Variants in EFNA5 observed in about 807,000 individuals in gnomAD.
The protein encoded by EFNA5 is ephrin A5.
Under a neutral mutation model 22.9 loss-of-function variants are expected in EFNA5, and 5 were observed. That is an observed-to-expected ratio of 0.22 (90% CI 0.11 to 0.46). The LOEUF is 0.46. EFNA5 is among the 20% of genes least tolerant of loss of function. EFNA5 has a pLI of 0.99. For synonymous variants in EFNA5, 113 were observed against 112.2 expected, an observed-to-expected ratio of 1.01 and a Z score of -0.04; for missense variants, 237 against 293.3, an observed-to-expected ratio of 0.81 and a Z score of 1.40.
At chr5:107,405,033 T>A (rs1748172447) in intron 2 of EFNA5, among the ~76,000 whole-genome samples, 2 of 152,248 alleles carry the variant, frequency 1.3e-5, no homozygotes, top group Admixed American at 1.3e-4. Flanking sequence ...CTTTATGATG[T>A]GCTCCTAAGT....
At chr5:107,397,480 G>A (rs777820975) in intron 2 of EFNA5, among the ~76,000 whole-genome samples, 24 of 151,560 alleles carry the variant, frequency 1.6e-4, no homozygotes, top group Non-Finnish European at 3.1e-4. Context: ...CCTGGGAGGC[G>A]AAGGTTGCAG....
chr5:107,411,796 G>C (rs1053867630), intron 2 of EFNA5, among the ~76,000 whole-genome samples: 3 of 152,188 alleles, frequency 2.0e-5, no homozygotes, highest in African/African-American at 7.2e-5. Flanking sequence ...TTGTTGCCCA[G>C]GCTGGGCTCG....
At chr5:107,486,696 CA>C (rs1427215259) in intron 1 of EFNA5, among the ~76,000 whole-genome samples, 2 of 152,080 alleles carry the variant, frequency 1.3e-5, no homozygotes, top group East Asian at 3.9e-4. Context: ...GTTGAGATGA[CA>C]AAACCACAAG....
intron 2 of EFNA5, among the ~76,000 whole-genome samples, chr5:107,410,333 A>G (rs1748335466): frequency 6.6e-6 from 1 of 152,188 alleles, no homozygotes; most frequent in Admixed American, 6.5e-5. Flanking sequence ...ACTAGTCTGT[A>G]TATGTTGCTC....
intron 1 of EFNA5, among the ~76,000 whole-genome samples, chr5:107,624,627 T>G (rs1243060358): frequency 1.3e-5 from 2 of 152,104 alleles, no homozygotes; most frequent in Admixed American, 1.3e-4. Flanking sequence ...TGATAGTGAG[T>G]ATCTGCAGCA....
intron 1 of EFNA5, among the ~76,000 whole-genome samples, chr5:107,538,715 T>C (rs933957645): frequency 1.3e-5 from 2 of 152,196 alleles, no homozygotes; most frequent in South Asian, 4.1e-4. Context: ...AGAGCAGGCA[T>C]AGAAGATTCA....
intron 1 of EFNA5, among the ~76,000 whole-genome samples, chr5:107,600,370 G>C (rs1447494401): frequency 6.6e-6 from 1 of 152,168 alleles, no homozygotes; most frequent in Non-Finnish European, 1.5e-5. Context: ...TACAACCTAA[G>C]AAGAGGAACT....
intron 1 of EFNA5, among the ~76,000 whole-genome samples, chr5:107,637,514 G>GTC (rs1247327048): frequency 0.026 from 3,808 of 149,142 alleles, 93 homozygotes; most frequent in East Asian, 0.085. Flanking sequence ...GTGTGTGTGT[G>GTC]TGTCTGTGTG....
intron 2 of EFNA5, among the ~76,000 whole-genome samples, chr5:107,414,223 C>G (rs1252660911): frequency 6.6e-6 from 1 of 152,188 alleles, no homozygotes; most frequent in Non-Finnish European, 1.5e-5. Context: ...CATCTCCAGA[C>G]AGATCACGAA....
chr5:107,565,224 G>A (rs952187404), intron 1 of EFNA5, among the ~76,000 whole-genome samples: 1 of 152,034 alleles, frequency 6.6e-6, no homozygotes, highest in African/African-American at 2.4e-5. Context: ...AAAAATATGC[G>A]CTGAAAGACC....
At chr5:107,651,025 T>C (rs1750717407) in intron 1 of EFNA5, among the ~76,000 whole-genome samples, 2 of 152,212 alleles carry the variant, frequency 1.3e-5, no homozygotes, top group African/African-American at 4.8e-5. Context: ...GCATTTTTAA[T>C]GCTCTTTTCA....
intron 1 of EFNA5, among the ~76,000 whole-genome samples, chr5:107,562,026 A>G (rs1009792766): frequency 7.2e-5 from 11 of 152,182 alleles, no homozygotes; most frequent in African/African-American, 2.4e-4. Flanking sequence ...TTGGCAGTTG[A>G]GGTCAGGCTG....
chr5:107,385,659 C>T (rs1444070409), intron 4 of EFNA5, among the ~76,000 whole-genome samples: 1 of 152,128 alleles, frequency 6.6e-6, no homozygotes, highest in South Asian at 2.1e-4. Context: ...TGAGTCTCCT[C>T]AGCCATAGAA....
intron 2 of EFNA5, among the ~76,000 whole-genome samples, chr5:107,394,211 A>G (rs1027034938): frequency 7.2e-5 from 11 of 152,170 alleles, no homozygotes; most frequent in Non-Finnish European, 1.5e-5. Context: ...GCTTGCATTC[A>G]TGGTGCCACC....
intron 1 of EFNA5, among the ~76,000 whole-genome samples, chr5:107,546,106 T>C (rs1748147673): frequency 1.3e-5 from 2 of 152,134 alleles, no homozygotes; most frequent in Admixed American, 1.3e-4. Flanking sequence ...CCTTAAGCGA[T>C]ATCAAAAGTT....
rs1458857703 is a variant in EFNA5 at position 107,521,473 on chromosome 5, TATA to T, written c.126-93967_126-93965del. 6.6e-3 allele frequency among the ~76,000 whole-genome samples: 866 copies of T among 130,678 alleles called. 8 individuals carry two copies. The highest frequency in any genetic ancestry group is 0.029 in the African/African-American group (787 of 27,436). The allele number at this position is 130,678 out of a possible 152,430, so 85.7% of individuals were successfully genotyped here. The stretch of plus-strand genomic sequence containing the variant: ...ACACCTGGCTATATATATATATATA[TATA>T]TTTTTTTTTTTTTTTGGAGAGACAG... On this transcript the variant is annotated intron_variant, in intron 1 of 4. Transcript: ENST00000333274.
intron 1 of EFNA5, among the ~76,000 whole-genome samples, chr5:107,497,946 C>T (rs1465354904): frequency 1.3e-5 from 2 of 152,196 alleles, no homozygotes; most frequent in Non-Finnish European, 2.9e-5. Context: ...GACGGAGTCT[C>T]AATCTGTCAC....
At chr5:107,451,924 C>T (rs183390247) in intron 1 of EFNA5, among the ~76,000 whole-genome samples, 1 of 152,044 alleles carries the variant, frequency 6.6e-6, no homozygotes, top group Admixed American at 6.6e-5. Context: ...CACATGTACA[C>T]GTATGTTTAT....
At chr5:107,383,205 G>A (rs1012519974) in intron 4 of EFNA5, among the ~76,000 whole-genome samples, 3 of 152,134 alleles carry the variant, frequency 2.0e-5, no homozygotes, top group African/African-American at 7.2e-5. Flanking sequence ...TGTCAAATGT[G>A]CTCCCCTTTC....
Sources: allele counts gnomAD v4.1 joint callset (sites outside exome capture counted in the v4.1 genomes callset), GRCh38; gene constraint gnomAD v4.1.1; transcripts MANE v1.5; gene names NCBI Gene and HGNC (gene_info 2026-07-23, HGNC 2026-07-21).